The following SLC35F4 variants were observed in gnomAD, a reference collection of about 807,000 sequenced individuals.
SLC35F4 encodes solute carrier family 35 member F4.
A neutral mutation model predicts 44.2 loss-of-function variants in SLC35F4; 24 were observed. The observed-to-expected ratio is 0.54, with a 90% CI of 0.39 to 0.76. The LOEUF (loss-of-function observed/expected upper bound fraction) is 0.76. Among genes scored for constraint, SLC35F4 ranks in the 30% least tolerant of loss-of-function variants. The probability of loss-of-function intolerance (pLI) is 0.00; values close to 1 mark genes in which losing one functional copy is unlikely to be tolerated. For synonymous variants in SLC35F4, 238 were observed against 223.6 expected (o/e 1.06, Z -0.57); for missense variants, 562 against 586.1 (o/e 0.96, Z 0.42).
chr14:57,638,202 T>C (rs181883879), intron 1 of SLC35F4, among the ~76,000 whole-genome samples: 6 of 152,202 alleles, frequency 3.9e-5, no homozygotes, highest in African/African-American at 9.6e-5. Flanking sequence ...CCACAAGCAA[T>C]AGCTACAGCT....
intron 1 of SLC35F4, among the ~76,000 whole-genome samples, chr14:57,838,280 C>A (rs1885141203): frequency 6.6e-6 from 1 of 152,140 alleles, no homozygotes. Context: ...CCCAAGAAGG[C>A]AAACAGGAAA....
chr14:57,659,125 C>T (rs1282685266), intron 1 of SLC35F4, among the ~76,000 whole-genome samples: 3 of 152,098 alleles, frequency 2.0e-5, no homozygotes, highest in Admixed American at 6.5e-5. Context: ...CTTTCTCAGG[C>T]GTGGGACTAT....
Position 57,564,270 on chromosome 14 carries a change from A to G in SLC35F4, c.1323T>C (p.Asp441=). Residue 441 remains aspartate (D), a synonymous_variant, in exon 8 of 8, where the codon GAT becomes GAC. Coordinates refer to ENST00000556826, the MANE Select transcript of SLC35F4 (RefSeq NM_001306087.2). The part of the protein sequence containing the change: ...FLLMLLPEEW[D]EITLRFINSL... ...TGTTGATGAACCTCAGGGTGATTTCATCCCATTCCTCAGGCAACAGCATCA... is the reference window on the plus strand; with the variant it reads ...TGTTGATGAACCTCAGGGTGATTTCGTCCCATTCCTCAGGCAACAGCATCA... 6.2e-7 allele frequency: 1 copy of G among 1,613,164 alleles called. No homozygotes were observed. The highest frequency in any genetic ancestry group is 1.1e-5 in the South Asian group (1 of 90,854).
chr14:57,741,523 GA>G (rs2076608264), intron 1 of SLC35F4, among the ~76,000 whole-genome samples: 1 of 148,684 alleles, frequency 6.7e-6, no homozygotes, highest in Admixed American at 6.7e-5. Context: ...AATGAAGCGA[GA>G]AGAGAAGTTT....
At chr14:57,622,856 A>C (rs888635457) in intron 1 of SLC35F4, among the ~76,000 whole-genome samples, 70 of 152,070 alleles carry the variant, frequency 4.6e-4, no homozygotes, top group African/African-American at 1.5e-3. Context: ...AATTAAAAAA[A>C]CCCCACCAAA....
At chr14:57,896,400 C>G (rs765460633) in intron 1 of SLC35F4, among the ~76,000 whole-genome samples, 1 of 152,104 alleles carries the variant, frequency 6.6e-6, no homozygotes, top group Non-Finnish European at 1.5e-5. Flanking sequence ...ACAAGCAAAA[C>G]TAATTTATGG....
chr14:57,843,510 C>G (rs1439684530), intron 1 of SLC35F4, among the ~76,000 whole-genome samples: 1 of 152,084 alleles, frequency 6.6e-6, no homozygotes, highest in Non-Finnish European at 1.5e-5. Context: ...AGGGCCAGAG[C>G]TCCTCTTCCC....
At chr14:57,714,477 CT>C (rs2075889704) in intron 1 of SLC35F4, among the ~76,000 whole-genome samples, 1 of 152,076 alleles carries the variant, frequency 6.6e-6, no homozygotes, top group South Asian at 2.1e-4. Context: ...TATTTGTTGA[CT>C]TTTCCTACAA....
chr14:57,810,504 C>T (rs1046490898), intron 1 of SLC35F4, among the ~76,000 whole-genome samples: 3 of 152,180 alleles, frequency 2.0e-5, no homozygotes, highest in African/African-American at 4.8e-5. Context: ...ATTCCTGACA[C>T]CATCACTGGC....
chr14:57,805,470 G>A (rs1246896693), intron 1 of SLC35F4, among the ~76,000 whole-genome samples: 1 of 152,128 alleles, frequency 6.6e-6, no homozygotes, highest in Non-Finnish European at 1.5e-5. Context: ...TCCTTTGCTG[G>A]GACATGGATG....
At chr14:57,790,575 G>T (rs1010188647) in intron 1 of SLC35F4, among the ~76,000 whole-genome samples, 4 of 152,154 alleles carry the variant, frequency 2.6e-5, no homozygotes, top group Admixed American at 2.6e-4. Context: ...GTAATTTACA[G>T]ATTCGATGCT....
chr14:57,812,152 G>C (rs559588758), intron 1 of SLC35F4, among the ~76,000 whole-genome samples: 1 of 152,260 alleles, frequency 6.6e-6, no homozygotes, highest in African/African-American at 2.4e-5. Flanking sequence ...CACCAAGCCA[G>C]GCTATTAAAA....
At chr14:57,639,844 G>A (rs1594669515) in intron 1 of SLC35F4, among the ~76,000 whole-genome samples, 1 of 151,930 alleles carries the variant, frequency 6.6e-6, no homozygotes, top group East Asian at 1.9e-4. Flanking sequence ...GATATTTGGA[G>A]TAATAAAGGG....
chr14:57,925,587 T>G (rs887050428), intron 1 of SLC35F4, among the ~76,000 whole-genome samples: 1 of 144,400 alleles, frequency 6.9e-6, no homozygotes, highest in Admixed American at 7.0e-5. Flanking sequence ...AGTCCTGGAG[T>G]AAATAGAATA....
intron 1 of SLC35F4, among the ~76,000 whole-genome samples, chr14:57,877,412 A>G (rs191009333): frequency 6.6e-6 from 1 of 152,152 alleles, no homozygotes; most frequent in African/African-American, 2.4e-5. Flanking sequence ...ATTGATTGCC[A>G]TCTAGGTTTA....
At chr14:57,584,811 C>T (rs2069573110) in intron 3 of SLC35F4, among the ~76,000 whole-genome samples, 1 of 152,130 alleles carries the variant, frequency 6.6e-6, no homozygotes, top group South Asian at 2.1e-4. Context: ...TCTTGAGATA[C>T]TTCTTTTTAT....
intron 1 of SLC35F4, among the ~76,000 whole-genome samples, chr14:57,770,292 A>G (rs1384872530): frequency 6.6e-6 from 1 of 152,212 alleles, no homozygotes; most frequent in Non-Finnish European, 1.5e-5. Flanking sequence ...TTACTAAATG[A>G]CAGGATATCT....
intron 1 of SLC35F4, among the ~76,000 whole-genome samples, chr14:57,696,781 C>T (rs769879821): frequency 3.6e-4 from 55 of 152,168 alleles, no homozygotes; most frequent in Non-Finnish European, 7.4e-4. Flanking sequence ...ACATGGATGA[C>T]GCTGGAAACC....
chr14:57,735,927 G>C (rs761487338), intron 1 of SLC35F4, among the ~76,000 whole-genome samples: 1 of 151,968 alleles, frequency 6.6e-6, no homozygotes, highest in Admixed American at 6.6e-5. Context: ...TCACTGTATT[G>C]CCCAGGTCTT....
Sources: allele counts gnomAD v4.1 joint callset (sites outside exome capture counted in the v4.1 genomes callset), GRCh38; gene constraint gnomAD v4.1.1; transcripts MANE v1.5; gene names NCBI Gene and HGNC (gene_info 2026-07-23, HGNC 2026-07-21).